The following CLNK variants were observed in gnomAD, a reference collection of about 807,000 sequenced individuals.
CLNK encodes the protein cytokine-dependent hematopoietic cell linker.
CLNK carries 74 observed loss-of-function variants against 68.6 expected under a neutral mutation model. The ratio of observed to expected loss-of-function variants is 1.08; its 90% confidence interval spans 0.89 to 1.31. CLNK has a LOEUF of 1.31. Among genes scored for constraint, CLNK ranks in the 50% most tolerant of loss-of-function variants. The probability of loss-of-function intolerance (pLI) is 0.00; values close to 1 mark genes in which losing one functional copy is unlikely to be tolerated. For missense variants in CLNK, 553 were observed against 515.3 expected (o/e 1.07, Z -0.71); for synonymous variants, 198 against 172.2 (o/e 1.15, Z -1.17).
intron 11 of CLNK, among the ~76,000 whole-genome samples, chr4:10,534,080 A>G (rs1466989998): frequency 6.6e-6 from 1 of 152,204 alleles, no homozygotes; most frequent in East Asian, 1.9e-4. Context: ...GAGTTGGTTG[A>G]ACATTTGTTG....
At chr4:10,637,444 T>TG (rs896192362) in intron 2 of CLNK, among the ~76,000 whole-genome samples, 1 of 151,016 alleles carries the variant, frequency 6.6e-6, no homozygotes, top group African/African-American at 2.4e-5. Flanking sequence ...AAAAGTTTTT[T>TG]TTTTTTTTTT....
At chr4:10,510,695 A>G (rs562456870) in intron 16 of CLNK, among the ~76,000 whole-genome samples, 61 of 152,222 alleles carry the variant, frequency 4.0e-4, no homozygotes, top group Non-Finnish European at 8.2e-4. Flanking sequence ...TGAAGGCTTC[A>G]TCTGTACAAT....
intron 6 of CLNK, 77 bp from the exon 7 acceptor site, chr4:10,564,854 C>T: frequency 1.1e-6 from 1 of 871,714 alleles, no homozygotes; most frequent in Non-Finnish European, 1.9e-6. Context: ...ATTTGCACAT[C>T]TACAAACTCA....
intron 2 of CLNK, among the ~76,000 whole-genome samples, chr4:10,637,993 G>T (rs185878313): frequency 6.6e-6 from 1 of 152,082 alleles, no homozygotes; most frequent in Non-Finnish European, 1.5e-5. Context: ...ATTAAAGCTG[G>T]AGTGAGCACA....
chr4:10,599,705 C>T (rs1453503277), intron 2 of CLNK, among the ~76,000 whole-genome samples: 2 of 152,080 alleles, frequency 1.3e-5, no homozygotes, highest in Non-Finnish European at 2.9e-5. Flanking sequence ...GTCTTCCCAC[C>T]CCTCCCCCTC....
chr4:10,717,747 A>G, the CLNK span, among the ~76,000 whole-genome samples: 1 of 152,348 alleles, frequency 6.6e-6, no homozygotes, highest in Admixed American at 6.5e-5. Flanking sequence ...GAAACCAGCT[A>G]AAACACGAAG....
intron 2 of CLNK, among the ~76,000 whole-genome samples, chr4:10,616,046 T>C (rs1476929324): frequency 6.6e-6 from 1 of 152,218 alleles, no homozygotes; most frequent in Non-Finnish European, 1.5e-5. Flanking sequence ...TATATAAAAT[T>C]ATAATTGACA....
chr4:10,689,040 C>T (rs1470039816), upstream of CLNK, among the ~76,000 whole-genome samples: 3 of 151,880 alleles, frequency 2.0e-5, no homozygotes, highest in Admixed American at 6.6e-5. Context: ...ATTGAGGCAA[C>T]GTGCTGGGGG....
chr4:10,576,669 C>A (rs1184395630), intron 4 of CLNK, among the ~76,000 whole-genome samples: 1 of 152,120 alleles, frequency 6.6e-6, no homozygotes, highest in Non-Finnish European at 1.5e-5. Context: ...GTCCCCTGAC[C>A]ATTTGCATCA....
At chr4:10,699,220 A>ATACACACACACATACACACCACG in the CLNK span, among the ~76,000 whole-genome samples, 1 of 75,600 alleles carries the variant, frequency 1.3e-5, no homozygotes, top group Non-Finnish European at 2.9e-5. Context: ...TACACACCAC[A>ATACACACACACATACACACCACG]TATGTGTGTG....
chr4:10,522,355 C>T (rs1199521882), intron 14 of CLNK, among the ~76,000 whole-genome samples: 2 of 151,450 alleles, frequency 1.3e-5, no homozygotes, highest in East Asian at 1.9e-4. Flanking sequence ...GAGCAGATCA[C>T]CTGAGGTCAG....
chr4:10,706,338 G>C, the CLNK span, among the ~76,000 whole-genome samples: 1 of 152,116 alleles, frequency 6.6e-6, no homozygotes, highest in Non-Finnish European at 1.5e-5. Context: ...GGATTTATTG[G>C]GGGAAATTTT....
At chr4:10,514,491 G>T (rs1717744018) in intron 15 of CLNK, among the ~76,000 whole-genome samples, 1 of 145,290 alleles carries the variant, frequency 6.9e-6, no homozygotes, top group East Asian at 2.0e-4. Flanking sequence ...AGAAAAACAA[G>T]CAATGGGGAA....
At chr4:10,578,893 G>A (rs948981279) in intron 4 of CLNK, among the ~76,000 whole-genome samples, 6 of 152,108 alleles carry the variant, frequency 3.9e-5, no homozygotes, top group African/African-American at 1.4e-4. Context: ...TCTATACAGT[G>A]AGAATAATAA....
At chr4:10,652,940 C>A (rs752624934) in intron 2 of CLNK, among the ~76,000 whole-genome samples, 3 of 152,214 alleles carry the variant, frequency 2.0e-5, no homozygotes, top group Middle Eastern at 3.4e-3. Flanking sequence ...TGGAACCAAG[C>A]CAAATGCCCA....
intron 1 of CLNK, among the ~76,000 whole-genome samples, chr4:10,679,747 C>T (rs1577216921): frequency 2.0e-5 from 3 of 152,204 alleles, no homozygotes; most frequent in South Asian, 2.1e-4. Context: ...ATTTATGCAG[C>T]CAAAAAACAC....
At chr4:10,707,579 A>G in the CLNK span, among the ~76,000 whole-genome samples, 2 of 152,276 alleles carry the variant, frequency 1.3e-5, no homozygotes, top group Non-Finnish European at 2.9e-5. Context: ...TTATTCCTGT[A>G]ACCCTAAAAT....
chr4:10,622,750 C>G (rs896688659), intron 2 of CLNK, among the ~76,000 whole-genome samples: 1 of 152,098 alleles, frequency 6.6e-6, no homozygotes, highest in Admixed American at 6.5e-5. Context: ...CTGCTATAAC[C>G]GAATAGCATG....
intron 4 of CLNK, among the ~76,000 whole-genome samples, chr4:10,580,671 A>G (rs986234712): frequency 1.3e-5 from 2 of 152,114 alleles, no homozygotes; most frequent in African/African-American, 2.4e-5. Flanking sequence ...AAAATTAAAA[A>G]TAGAAAAAAT....
Sources: allele counts gnomAD v4.1 joint callset (sites outside exome capture counted in the v4.1 genomes callset), GRCh38; gene constraint gnomAD v4.1.1; transcripts MANE v1.5; gene names NCBI Gene and HGNC (gene_info 2026-07-23, HGNC 2026-07-21).